The following RABL3 variants were observed in gnomAD, a reference collection of about 807,000 sequenced individuals.
RABL3 encodes the protein rab-like protein 3.
In RABL3, 31 loss-of-function variants were observed where a neutral mutation model predicts 31.8. The ratio of observed to expected loss-of-function variants is 0.97; its 90% CI spans 0.73 to 1.31. The LOEUF (loss-of-function observed/expected upper bound fraction) is 1.31, where lower values mean the gene tolerates loss of function less well. RABL3 is among the 40% of genes most tolerant of loss of function. The pLI is 0.00. For missense variants in RABL3, 263 were observed against 279.6 expected (o/e 0.94, Z 0.42); for synonymous variants, 97 against 99.9 (o/e 0.97, Z 0.18).
At chr3:120,704,573 G>T (rs758337272) in intron 4 of RABL3, among the ~76,000 whole-genome samples, 89 of 152,120 alleles carry the variant, frequency 5.9e-4, no homozygotes, top group African/African-American at 2.0e-3. Context: ...CTGCCAGTGC[G>T]AAAAGGCAAG....
intron 2 of RABL3, among the ~76,000 whole-genome samples, chr3:120,724,265 G>A (rs1194063370): frequency 2.6e-5 from 4 of 152,146 alleles, no homozygotes; most frequent in African/African-American, 4.8e-5. Flanking sequence ...CCTCTTCAAG[G>A]AGAATTACAA....
chr3:120,715,374 C>T (rs1321072273), intron 2 of RABL3, among the ~76,000 whole-genome samples: 1 of 152,004 alleles, frequency 6.6e-6, no homozygotes, highest in African/African-American at 2.4e-5. Context: ...CCTGTCTCTA[C>T]TAAAAATACA....
At chr3:120,695,390 T>G (rs1265079945) in intron 5 of RABL3, among the ~76,000 whole-genome samples, 2 of 152,138 alleles carry the variant, frequency 1.3e-5, no homozygotes, top group Non-Finnish European at 2.9e-5. Context: ...TCCCAACATT[T>G]CTACTCTGTG....
At chr3:120,715,692 T>C (rs1215281388) in intron 2 of RABL3, among the ~76,000 whole-genome samples, 1 of 152,192 alleles carries the variant, frequency 6.6e-6, no homozygotes, top group Non-Finnish European at 1.5e-5. Flanking sequence ...AAATTTAAAT[T>C]GCCACATGAG....
intron 4 of RABL3, among the ~76,000 whole-genome samples, chr3:120,699,088 T>C (rs1708468428): frequency 6.6e-6 from 1 of 152,186 alleles, no homozygotes; most frequent in African/African-American, 2.4e-5. Context: ...TACACATTTC[T>C]GTCTGAATAG....
Position 120,737,563 on chromosome 3 carries a change from C to T in RABL3, c.46+4899G>A, listed in dbSNP as rs141547250. On this transcript the variant is annotated intron_variant, in intron 1 of 7. Coordinates refer to ENST00000273375, the MANE Select transcript of RABL3 (RefSeq NM_173825.5). ...CCATCCAGCTTTGTTCCTTTGCTGG[C>T]GAGGAGCTGCGTTTCTTTGCAGGGG... is the stretch of plus-strand genomic sequence containing the variant. Among the ~76,000 whole-genome samples, 799 of 152,288 alleles carry T rather than the reference C, an allele frequency of 5.2e-3. 5 individuals are homozygous for T. Among genetic ancestry groups the T allele is most frequent in the Middle Eastern group, 0.014 (4 of 294 alleles).
In RABL3 at chr3:120,689,632, CA is replaced by C; in HGVS notation, c.*190del. 3 of 520,026 alleles carry C rather than the reference CA, an allele frequency of 5.8e-6. No individual in the cohort carries two copies. Among genetic ancestry groups the C allele is most frequent in the Non-Finnish European group, 1.0e-5 (3 of 288,892 alleles). 32.2% of individuals were successfully genotyped at this position (520,026 alleles called of 1,614,324 possible). ...CACAGGGACAGAAAGGTAAGGAACA[CA>C]GAGAACAGGGACAAAGTTTGGACCT... On this transcript the variant is annotated 3_prime_UTR_variant, in exon 8 of 8. Transcript: ENST00000273375.
intron 1 of RABL3, among the ~76,000 whole-genome samples, chr3:120,734,996 T>G (rs577542779): frequency 6.6e-6 from 1 of 152,208 alleles, no homozygotes; most frequent in Middle Eastern, 3.2e-3. Context: ...GATATTGGTC[T>G]AAAATTCTCT....
chr3:120,739,792 T>G (rs1269272069), intron 1 of RABL3, among the ~76,000 whole-genome samples: 2 of 152,246 alleles, frequency 1.3e-5, no homozygotes, highest in Admixed American at 6.5e-5. Flanking sequence ...GGAATGTATC[T>G]ATCCACTTAA....
At chr3:120,723,563 A>C (rs1559820313) in intron 2 of RABL3, among the ~76,000 whole-genome samples, 1 of 152,224 alleles carries the variant, frequency 6.6e-6, no homozygotes, top group Admixed American at 6.5e-5. Flanking sequence ...AATACTGGCA[A>C]ACCGAATCCA....
intron 1 of RABL3, among the ~76,000 whole-genome samples, chr3:120,736,221 G>A (rs1308340901): frequency 6.6e-6 from 1 of 152,084 alleles, no homozygotes; most frequent in Non-Finnish European, 1.5e-5. Flanking sequence ...TATGAATCTG[G>A]GTGCTCCTGT....
At chr3:120,739,161 G>A (rs1709010632) in intron 1 of RABL3, among the ~76,000 whole-genome samples, 2 of 152,062 alleles carry the variant, frequency 1.3e-5, no homozygotes, top group African/African-American at 4.8e-5. Context: ...GGCAGATCAC[G>A]AGGTCAGGAG....
intron 2 of RABL3, among the ~76,000 whole-genome samples, chr3:120,724,010 T>C (rs2107591129): frequency 6.6e-6 from 1 of 152,250 alleles, no homozygotes; most frequent in South Asian, 2.1e-4. Context: ...AGTCAAATTG[T>C]CCCTGTTTGC....
At chr3:120,689,996 TAAA>T in intron 7 of RABL3, 108 bp from the exon 8 acceptor site, 1 of 815,632 alleles carries the variant, frequency 1.2e-6, no homozygotes, top group South Asian at 1.7e-5. Context: ...TGCTGTTTCT[TAAA>T]AAAACAACTT....
intron 4 of RABL3, among the ~76,000 whole-genome samples, chr3:120,704,217 T>G (rs536133368): frequency 1.3e-5 from 2 of 152,270 alleles, no homozygotes; most frequent in African/African-American, 4.8e-5. Flanking sequence ...GACCAAGGAA[T>G]GGAAGGCTGG....
Position 120,705,983 on chromosome 3 carries a change from T to C in RABL3, c.383+17A>G, listed in dbSNP as rs1708543170. The C allele has an allele frequency of 2.1e-6, 3 of 1,405,856 alleles. No homozygotes were observed. The highest frequency in any genetic ancestry group is 2.3e-5 in the South Asian group (2 of 86,932). The allele number at this position is 1,405,856 out of a possible 1,614,324, so 87.1% of individuals were successfully genotyped here. ...TGATTGCTACAATCTTTCAAACCAA[T>C]TGTGAAATTGGCTCACCCATTTGTC... On this transcript the variant is annotated intron_variant, in intron 4 of 7. Coordinates refer to ENST00000273375, the MANE Select transcript of RABL3 (RefSeq NM_173825.5).
rs1462307490 is a variant in RABL3, at chr3:120,730,781, C to G, written c.53G>C (p.Gly18Ala). The G allele has an allele frequency of 6.2e-7, 1 of 1,610,694 alleles. No individual in the cohort carries two copies. Among genetic ancestry groups the G allele is most frequent in the Admixed American group, 1.7e-5 (1 of 59,972 alleles). Residue 18 changes from glycine (G) to alanine (A), a missense_variant, in exon 2 of 8, where the codon GGG becomes GCG. Gly to Ala is a moderately conservative substitution (Grantham distance 60). Coordinates refer to ENST00000273375, the MANE Select transcript of RABL3 (RefSeq NM_173825.5). ...KVLVLGDSGVGKSSLVHLLCQ... is the reference protein window; with the variant it reads ...KVLVLGDSGVAKSSLVHLLCQ... ...TAGGAGATGGACTAACGAAGATTTC[C>G]CAACACCTGTAAGAGATACAAGAAC...
chr3:120,732,566 T>C (rs1026577889), intron 1 of RABL3, among the ~76,000 whole-genome samples: 23 of 152,086 alleles, frequency 1.5e-4, no homozygotes, highest in African/African-American at 5.1e-4. Flanking sequence ...TATTTATTTG[T>C]TTATTTTATT....
chr3:120,734,779 T>A (rs12108137), intron 1 of RABL3, among the ~76,000 whole-genome samples: 85 of 152,358 alleles, frequency 5.6e-4, no homozygotes, highest in South Asian at 1.7e-3. Context: ...GTCAAAGACC[T>A]TTTCTGCATC....
Sources: gnomAD v4.1 joint callset for allele counts (sites outside exome capture counted in the v4.1 genomes callset) on GRCh38, gnomAD v4.1.1 for gene constraint, MANE v1.5 for transcripts, NCBI Gene and HGNC (gene_info 2026-07-23, HGNC 2026-07-21) for gene names.